PXN: variants seen among roughly 807,000 people sequenced by gnomAD.
PXN encodes the protein testicular tissue protein Li 134.
In PXN, 61 loss-of-function variants were observed where a neutral mutation model predicts 103.6. That is an observed-to-expected ratio of 0.59 (90% CI 0.48 to 0.73). PXN has a LOEUF of 0.73. PXN is among the 30% of genes least tolerant of loss of function. PXN has a pLI of 0.00. For synonymous variants in PXN, 562 were observed against 607.8 expected (o/e 0.92, Z 1.11); for missense variants, 1,274 against 1,460.3 (o/e 0.87, Z 2.08).
intron 1 of PXN, among the ~76,000 whole-genome samples, chr12:120,230,799 T>A (rs946863147): frequency 3.3e-5 from 5 of 152,004 alleles, no homozygotes; most frequent in Non-Finnish European, 5.9e-5. Context: ...TAAGGGCCAA[T>A]CCACAATTAG....
rs767668945 is a variant in PXN at position 120,212,561 on chromosome 12, A to G, written c.2999T>C (p.Val1000Ala). The change falls in exon 15 of 15, where the codon GTG (valine) becomes GCG (alanine). Residue 1000 changes from valine to alanine, a missense_variant. Transcript: ENST00000637617. This position sits in a 1 kb window ranked among gnomAD's most constrained non-coding sequence, Gnocchi z 7.2. ...FVCRECFTPF[V>A]NGSFFEHDGQ... ...GTCGTGCTCGAAGAAGCTGCCGTTC[A>G]CGAATGGCGTGAAGCATTCCTGCCA... The G allele has an allele frequency of 1.9e-6, 3 of 1,613,084 alleles. No homozygotes were observed. The highest frequency in any genetic ancestry group is 2.2e-5 in the East Asian group (1 of 44,854).
chr12:120,227,406 CAGG>C lies in PXN; in HGVS notation c.14-3032_14-3030del, dbSNP rs1341563953. Among the ~76,000 whole-genome samples, 7 of 152,328 alleles carry C rather than the reference CAGG, an allele frequency of 4.6e-5. No individual in the cohort carries two copies. The East Asian group carries it at 1.2e-3, about 25-fold the overall frequency. On this transcript the variant is annotated intron_variant, in intron 1 of 14. Coordinates refer to ENST00000637617, the MANE Select transcript of PXN (RefSeq NM_001385981.1). ...GTCCCAATTACTCAGGAGGCTGAGG[CAGG>C]AGGATTGCTTGAGCCCAGGAGGTCA...
In PXN at chr12:120,221,764, G is replaced by C. The variant is rs1182811826; in HGVS notation, c.696-6C>G. The C allele has an allele frequency of 6.4e-7, 1 of 1,562,116 alleles. No homozygotes were observed. ...GGTTCACAGTGATGGCAGGGCTGCA[G>C]GGTGGGCACAGCATCAGTGGGGAGC... is the stretch of plus-strand genomic sequence containing the variant. On this transcript the variant is annotated splice_region_variant and splice_polypyrimidine_tract_variant and intron_variant, in intron 5 of 14. Transcript: ENST00000637617. The surrounding 1 kb of genome is among the most constrained non-coding windows in gnomAD (Gnocchi z 6.6).
At chr12:120,226,662 G>C in intron 1 of PXN, 1 of 1,164,034 alleles carries the variant, frequency 8.6e-7, no homozygotes, top group Non-Finnish European at 1.1e-6. Context: ...CCCTAGGCTG[G>C]TGAAGTATTG....
Position 120,210,808 on chromosome 12 carries a change from C to G in PXN, c.*1506G>C, listed in dbSNP as rs1288888340. On this transcript the variant is annotated 3_prime_UTR_variant, in exon 15 of 15. Transcript: ENST00000637617. ...GACCCCGGTGGGGCCCCTTTCTCCT[C>G]ATCAGGAGCCCAAGGCCTGGCTCCT... 3 of 152,800 alleles carry G rather than the reference C, an allele frequency of 2.0e-5. No individual in the cohort carries two copies. The highest frequency in any genetic ancestry group is 7.2e-5 in the African/African-American group (3 of 41,558). The allele number at this position is 152,800 out of a possible 1,614,324, so 9.5% of individuals were successfully genotyped here.
intron 1 of PXN, among the ~76,000 whole-genome samples, chr12:120,249,368 G>T (rs901650942): frequency 3.9e-5 from 6 of 152,228 alleles, no homozygotes; most frequent in Admixed American, 1.3e-4. Flanking sequence ...AAGCACAGAG[G>T]GGGAGTGCAG....
intron 1 of PXN, among the ~76,000 whole-genome samples, chr12:120,246,218 C>T (rs1891084789): frequency 1.3e-5 from 2 of 152,054 alleles, no homozygotes; most frequent in Non-Finnish European, 1.5e-5. Context: ...GAGATTCCGT[C>T]TCTACAAAAA....
Position 120,262,030 on chromosome 12 carries a change from G to A in PXN, c.13+3587C>T, listed in dbSNP as rs564133323. Among the ~76,000 whole-genome samples the A allele has an allele frequency of 3.3e-5, 5 of 152,246 alleles. No homozygotes were observed. The South Asian group carries it at 8.3e-4, about 25-fold the overall frequency. On this transcript the variant is annotated intron_variant, in intron 1 of 14. Transcript: ENST00000637617. ...TGGGTAAATGCCGCCTCTGCCACAC[G>A]CCCAGCAGCTGGGTGCCCTGACTCT...
intron 1 of PXN, among the ~76,000 whole-genome samples, chr12:120,238,979 G>A (rs182487506): frequency 1.6e-4 from 25 of 152,162 alleles, no homozygotes; most frequent in Non-Finnish European, 3.1e-4. Context: ...AGGGAGCTTC[G>A]TGGTCAGCTA....
intron 1 of PXN, among the ~76,000 whole-genome samples, chr12:120,261,949 C>A (rs1398121889): frequency 6.6e-6 from 1 of 152,182 alleles, no homozygotes; most frequent in Non-Finnish European, 1.5e-5. Context: ...CTAGCACAAG[C>A]CCAGGAGAAG....
At position 120,210,797 on chromosome 12, in the gene PXN, C is replaced by T. The variant is rs934561674; in HGVS notation, c.*1517G>A. The T allele has an allele frequency of 6.6e-6, 1 of 152,622 alleles. No individual in the cohort carries two copies. Among genetic ancestry groups the T allele is most frequent in the African/African-American group, 2.4e-5 (1 of 41,446 alleles). The allele number at this position is 152,622 out of a possible 1,614,324, so 9.5% of individuals were successfully genotyped here. ...TGTCACCATTAGACCCCGGTGGGGC[C>T]CCTTTCTCCTCATCAGGAGCCCAAG... On this transcript the variant is annotated 3_prime_UTR_variant, in exon 15 of 15. Transcript: ENST00000637617.
intron 1 of PXN, chr12:120,226,779 G>C: frequency 9.6e-7 from 1 of 1,041,742 alleles, no homozygotes; most frequent in Non-Finnish European, 1.2e-6. Flanking sequence ...CCATGCCACA[G>C]GGCAAATCGC....
In PXN at chr12:120,216,560, G is replaced by A. The variant is rs1447678751; in HGVS notation, c.2014C>T (p.Pro672Ser). 4 of 1,424,494 alleles carry A rather than the reference G, an allele frequency of 2.8e-6. No individual in the cohort carries two copies. Among genetic ancestry groups the A allele is most frequent in the African/African-American group, 1.5e-5 (1 of 67,418 alleles). The allele number at this position is 1,424,494 out of a possible 1,614,324, so 88.2% of individuals were successfully genotyped here. A position where few individuals can be genotyped will look rare whatever the true frequency, so the allele number is the denominator to read the frequency against. ...VEKVVFPPGS[P>S]IPLRRTISVL... ...GAGATGGTTCTTCTCAGGGGAATGGGAGAGCCAGGAGGGAAGACAACCTGG... is the reference window on the plus strand; with the variant it reads ...GAGATGGTTCTTCTCAGGGGAATGGAAGAGCCAGGAGGGAAGACAACCTGG... The change falls in exon 9 of 15, where the codon CCC becomes TCC. Residue 672 changes from proline to serine, a missense_variant. This residue lies in a region of PXN where 1,178 missense variants were observed against 1,309.0 expected (regional missense o/e 0.90). Coordinates refer to ENST00000637617, the MANE Select transcript of PXN (RefSeq NM_001385981.1). The surrounding 1 kb of genome is among the most constrained non-coding windows in gnomAD (Gnocchi z 5.1).
At chr12:120,263,426 G>A (rs1176128369) in intron 1 of PXN, among the ~76,000 whole-genome samples, 1 of 152,150 alleles carries the variant, frequency 6.6e-6, no homozygotes, top group African/African-American at 2.4e-5. Flanking sequence ...ACAGGTGATC[G>A]CCATCACCCA....
chr12:120,215,147 C>G lies in PXN; in HGVS notation c.2530G>C (p.Ala844Pro). The change falls in exon 11 of 15, where the codon GCC (alanine) becomes CCC (proline). Residue 844 changes from alanine to proline, a missense_variant. By Grantham distance (27) the Ala-to-Pro change is conservative. Coordinates refer to ENST00000637617, the MANE Select transcript of PXN (RefSeq NM_001385981.1). This position sits in a 1 kb window ranked among gnomAD's most constrained non-coding sequence, Gnocchi z 4.9. Reference protein sequence around the residue: ...DLNKLGVATVAKGVCGACKKP... With the variant: ...DLNKLGVATVPKGVCGACKKP... ...TTGCAGGCCCCGCAGACTCCTTTGG[C>G]GACTGTGGCGACCCCCAGCTTGTTC... 1.9e-6 allele frequency: 3 copies of G among 1,570,082 alleles called. No individual in the cohort carries two copies. Among genetic ancestry groups the G allele is most frequent in the Non-Finnish European group, 2.6e-6 (3 of 1,155,780 alleles).
chr12:120,217,219 A>C lies in PXN; in HGVS notation c.1717-103T>G. On this transcript the variant is annotated intron_variant, in intron 7 of 14. Transcript: ENST00000637617. This position sits in a 1 kb window ranked among gnomAD's most constrained non-coding sequence, Gnocchi z 4.1. ...CTCAGGAGAGGGAGCACAAAAGAAA[A>C]CCACCAAAGAACCAAGCGGAGGTGG... 4 of 1,009,236 alleles carry C rather than the reference A, an allele frequency of 4.0e-6. No homozygotes were observed. Among genetic ancestry groups the C allele is most frequent in the East Asian group, 2.8e-5 (1 of 36,346 alleles). 62.5% of individuals were successfully genotyped at this position (1,009,236 alleles called of 1,614,324 possible). A position where few individuals can be genotyped will look rare whatever the true frequency, so the allele number is the denominator to read the frequency against.
chr12:120,218,259 G>T (rs988378028), intron 7 of PXN, among the ~76,000 whole-genome samples: 19 of 151,772 alleles, frequency 1.3e-4, no homozygotes, highest in African/African-American at 4.6e-4. Flanking sequence ...GCCTAGGCTG[G>T]TCTCAAACTC....
chr12:120,234,408 C>CA (rs975953099), intron 1 of PXN, among the ~76,000 whole-genome samples: 14 of 151,478 alleles, frequency 9.2e-5, no homozygotes, highest in Non-Finnish European at 1.3e-4. Context: ...GACTCTGTCT[C>CA]AAAAAAACAA....
At position 120,224,813 on chromosome 12, in the gene PXN, C is replaced by T; in HGVS notation, c.14-436G>A. On this transcript the variant is annotated intron_variant, in intron 1 of 14. Transcript: ENST00000637617. This position sits in a 1 kb window ranked among gnomAD's most constrained non-coding sequence, Gnocchi z 5.0. ...GCTATGCCAGGCCCTCACTTGATTTCTAAGAGCTTAGGCTTTCCCAGCCCC... is the reference window on the plus strand; with the variant it reads ...GCTATGCCAGGCCCTCACTTGATTTTTAAGAGCTTAGGCTTTCCCAGCCCC... The T allele has an allele frequency of 2.2e-6, 1 of 450,038 alleles. No individual in the cohort carries two copies. The highest frequency in any genetic ancestry group is 2.4e-5 in the Admixed American group (1 of 42,096). The allele number at this position is 450,038 out of a possible 1,614,324, so 27.9% of individuals were successfully genotyped here.
Sources: gnomAD v4.1 joint callset for allele counts (sites outside exome capture counted in the v4.1 genomes callset) on GRCh38, gnomAD v4.1.1 for gene constraint, gnomAD v4.1.1 regional missense constraint, Gnocchi (gnomAD v3.1) non-coding constraint, MANE v1.5 for transcripts, NCBI Gene and HGNC (gene_info 2026-07-23, HGNC 2026-07-21) for gene names.